MEGF11: variants seen among roughly 807,000 people sequenced by gnomAD.
The protein encoded by MEGF11 is multiple EGF like domains 11.
A neutral mutation model predicts 146.6 loss-of-function variants in MEGF11; 126 were observed. The ratio of observed to expected loss-of-function variants is 0.86; its 90% CI spans 0.74 to 1.00. The LOEUF (loss-of-function observed/expected upper bound fraction) is 1.00, where lower values mean the gene tolerates loss of function less well. MEGF11 is among the 50% of genes least tolerant of loss of function. The pLI, the probability that MEGF11 is intolerant of heterozygous loss-of-function variation, is 0.00. For synonymous variants in MEGF11, 532 were observed against 583.4 expected, an observed-to-expected ratio of 0.91 and a Z score of 1.27; for missense variants, 1,509 against 1,521.2, an observed-to-expected ratio of 0.99 and a Z score of 0.13.
At chr15:66,150,512 A>G (rs2089523751) in intron 1 of MEGF11, among the ~76,000 whole-genome samples, 1 of 152,076 alleles carries the variant, frequency 6.6e-6, no homozygotes, top group Admixed American at 6.6e-5. Context: ...TTGTGATGAC[A>G]TTAACTGCAG....
intron 4 of MEGF11, among the ~76,000 whole-genome samples, chr15:66,114,578 CAT>C (rs1337407555): frequency 6.6e-6 from 1 of 152,220 alleles, no homozygotes; most frequent in Non-Finnish European, 1.5e-5. Context: ...TTCTGCAAGA[CAT>C]AAAACTAGCT....
intron 1 of MEGF11, among the ~76,000 whole-genome samples, chr15:66,143,008 T>G (rs2089226853): frequency 6.6e-6 from 1 of 152,174 alleles, no homozygotes; most frequent in Admixed American, 6.5e-5. Context: ...GGATCCTAGT[T>G]CAGGTCTCTT....
intron 5 of MEGF11, among the ~76,000 whole-genome samples, chr15:65,993,719 G>A (rs2082122219): frequency 1.3e-5 from 2 of 152,230 alleles, no homozygotes; most frequent in South Asian, 4.1e-4. Flanking sequence ...TGTAGGCTCT[G>A]AGGGAAATGA....
At chr15:66,237,325 T>TA (rs1555484992) in intron 1 of MEGF11, among the ~76,000 whole-genome samples, 1 of 151,680 alleles carries the variant, frequency 6.6e-6, no homozygotes, top group Admixed American at 6.5e-5. Context: ...TCCAACTCAC[T>TA]CCCCCCAACA....
intron 1 of MEGF11, among the ~76,000 whole-genome samples, chr15:66,206,229 T>C (rs1265861655): frequency 1.3e-5 from 2 of 152,094 alleles, no homozygotes; most frequent in Admixed American, 1.3e-4. Flanking sequence ...TTGCCCATTC[T>C]GAATAACAGG....
chr15:66,031,449 C>A (rs1305583295), intron 5 of MEGF11, among the ~76,000 whole-genome samples: 1 of 152,192 alleles, frequency 6.6e-6, no homozygotes, highest in African/African-American at 2.4e-5. Context: ...ACACTCTCTC[C>A]CATGGAGGCC....
chr15:66,089,546 G>C (rs1354157929), intron 5 of MEGF11, among the ~76,000 whole-genome samples: 1 of 152,198 alleles, frequency 6.6e-6, no homozygotes, highest in Non-Finnish European at 1.5e-5. Context: ...CCTGGGATGG[G>C]AGGCAGAGAA....
At chr15:65,915,714 C>T in intron 18 of MEGF11, 116 bp from the exon 19 acceptor site, 2 of 1,314,012 alleles carry the variant, frequency 1.5e-6, no homozygotes, top group Non-Finnish European at 2.1e-6. Context: ...GAAGCCTATT[C>T]CCTTAGCTCC....
intron 13 of MEGF11, among the ~76,000 whole-genome samples, chr15:65,926,419 T>C (rs181043125): frequency 2.0e-5 from 3 of 152,358 alleles, no homozygotes; most frequent in South Asian, 2.1e-4. Flanking sequence ...TAAGCACATA[T>C]TATGTGCAGG....
chr15:66,160,440 C>T (rs997944332), intron 1 of MEGF11, among the ~76,000 whole-genome samples: 1 of 152,196 alleles, frequency 6.6e-6, no homozygotes, highest in African/African-American at 2.4e-5. Flanking sequence ...GCATCAGACA[C>T]TCAACCTCCA....
chr15:65,909,840 A>T (rs558756762), intron 21 of MEGF11, 34 bp from the exon 22 acceptor site: 67 of 1,531,674 alleles, frequency 4.4e-5, no homozygotes, highest in Non-Finnish European at 5.6e-5. Context: ...GTTAATATCT[A>T]GTGCCCCAGG....
In MEGF11 at chr15:66,130,611, A is replaced by AAAGGAAAGGAAAGAAAG. The variant is rs1328033805; in HGVS notation, c.-8-2217_-8-2201dup. On this transcript the variant is annotated intron_variant, in intron 1 of 25. Coordinates refer to ENST00000395614, the MANE Select transcript of MEGF11 (RefSeq NM_001385028.1). ...CTCATGAAAAGAAAGAGAGAGAGGG[A>AAAGGAAAGGAAAGAAAG]AAGGAAAGGAAAGAAAGAAGAAAAG... is the stretch of plus-strand genomic sequence containing the variant. Among the ~76,000 whole-genome samples the AAAGGAAAGGAAAGAAAG allele has an allele frequency of 5.9e-5, 9 of 151,712 alleles. No homozygotes were observed. The South Asian group carries it at 8.4e-4, about 14-fold the overall frequency.
chr15:65,898,433 TCAA>T (rs2141124606), intron 25 of MEGF11: 2 of 985,412 alleles, frequency 2.0e-6, no homozygotes, highest in South Asian at 4.7e-5. Flanking sequence ...GAGATTTGTA[TCAA>T]CAATCTGTGT....
chr15:66,156,951 C>T (rs771208837), intron 1 of MEGF11, among the ~76,000 whole-genome samples: 7 of 152,120 alleles, frequency 4.6e-5, no homozygotes, highest in Non-Finnish European at 7.4e-5. Flanking sequence ...GAGTCAGGTG[C>T]CTCCAATATG....
intron 5 of MEGF11, among the ~76,000 whole-genome samples, chr15:66,022,446 G>T (rs2083180100): frequency 1.3e-5 from 2 of 152,238 alleles, no homozygotes; most frequent in Non-Finnish European, 2.9e-5. Flanking sequence ...GTGCATGCAT[G>T]CAGGCACACA....
intron 5 of MEGF11, among the ~76,000 whole-genome samples, chr15:66,010,850 G>A (rs2082688800): frequency 6.6e-6 from 1 of 152,172 alleles, no homozygotes; most frequent in Non-Finnish European, 1.5e-5. Flanking sequence ...GGCAGCATGT[G>A]GAATGAGGAT....
chr15:66,092,762 T>A (rs1214563451), intron 5 of MEGF11, among the ~76,000 whole-genome samples: 1 of 152,186 alleles, frequency 6.6e-6, no homozygotes, highest in Non-Finnish European at 1.5e-5. Context: ...TGGTGGTTTC[T>A]ATATACTCAG....
intron 5 of MEGF11, among the ~76,000 whole-genome samples, chr15:66,053,489 A>G (rs975383268): frequency 4.6e-5 from 7 of 152,056 alleles, no homozygotes; most frequent in Non-Finnish European, 7.4e-5. Flanking sequence ...TATTATCATT[A>G]TCATTATTTA....
intron 8 of MEGF11, among the ~76,000 whole-genome samples, chr15:65,969,705 GA>G (rs950294983): frequency 6.6e-6 from 1 of 152,142 alleles, no homozygotes; most frequent in African/African-American, 2.4e-5. Flanking sequence ...ATGGAATGAT[GA>G]AAAATGTTTC....
Sources: gnomAD v4.1 joint callset for allele counts (sites outside exome capture counted in the v4.1 genomes callset) on GRCh38, gnomAD v4.1.1 for gene constraint, MANE v1.5 for transcripts, NCBI Gene and HGNC (gene_info 2026-07-23, HGNC 2026-07-21) for gene names.